RAB40B: variants seen among roughly 807,000 people sequenced by gnomAD.
RAB40B encodes ras-related protein Rab-40B.
RAB40B carries 21 observed loss-of-function variants against 24.0 expected under a neutral mutation model. That is an observed-to-expected ratio of 0.88 (90% confidence interval 0.62 to 1.26). RAB40B has a LOEUF of 1.26. RAB40B is among the 50% of genes most tolerant of loss of function. The probability of loss-of-function intolerance (pLI) is 0.00; values close to 1 mark genes in which losing one functional copy is unlikely to be tolerated. For missense variants in RAB40B, 348 were observed against 390.5 expected (o/e 0.89, Z 0.92); for synonymous variants, 167 against 169.8 (o/e 0.98, Z 0.13).
intron 1 of RAB40B, among the ~76,000 whole-genome samples, chr17:82,671,003 C>A (rs540860515): frequency 5.7e-4 from 87 of 152,138 alleles, no homozygotes; most frequent in African/African-American, 2.1e-3. Flanking sequence ...AAAATAACTT[C>A]TTTTGCTATG....
chr17:82,682,296 A>C (rs1447111383), intron 1 of RAB40B, among the ~76,000 whole-genome samples: 1 of 152,208 alleles, frequency 6.6e-6, no homozygotes, highest in African/African-American at 2.4e-5. Flanking sequence ...AGAAATTGAA[A>C]TTAAATAGCA....
chr17:82,659,191 G>C lies in RAB40B; in HGVS notation c.342+389C>G, dbSNP rs183130006. 470 of 292,108 alleles carry C rather than the reference G, an allele frequency of 1.6e-3. 1 individual carries two copies. Among genetic ancestry groups the C allele is most frequent in the African/African-American group, 9.5e-3 (440 of 46,246 alleles). 18.1% of individuals were successfully genotyped at this position (292,108 alleles called of 1,614,324 possible). ...CAGCCCCGGGACACTCATACAGTGG[G>C]CTTAGTGTCGACCACGCCATGTCAC... is the stretch of plus-strand genomic sequence containing the variant. On this transcript the variant is annotated intron_variant, in intron 4 of 5. Coordinates refer to ENST00000571995, the MANE Select transcript of RAB40B (RefSeq NM_006822.3).
rs537728884 is a variant in RAB40B at position 82,674,866 on chromosome 17, A to C, written c.143-10310T>G. 5.9e-5 allele frequency among the ~76,000 whole-genome samples: 9 copies of C among 152,128 alleles called. 1 individual carries two copies. The highest frequency in any genetic ancestry group is 5.9e-4 in the Admixed American group (9 of 15,252). On this transcript the variant is annotated intron_variant, in intron 1 of 5. Transcript: ENST00000571995. ...AAGCAGGGCCAGGGTGTGTGCAGGGAGTAGGCAGAGGAGAAAGAACAACAC... is the reference window on the plus strand; with the variant it reads ...AAGCAGGGCCAGGGTGTGTGCAGGGCGTAGGCAGAGGAGAAAGAACAACAC...
intron 1 of RAB40B, chr17:82,668,399 T>A (rs1194843508): frequency 6.5e-6 from 1 of 154,232 alleles, no homozygotes; most frequent in Non-Finnish European, 1.5e-5. Context: ...ACCAGGGACC[T>A]GCCCCCTTCC....
intron 1 of RAB40B, among the ~76,000 whole-genome samples, chr17:82,681,958 G>T (rs2046452474): frequency 6.6e-6 from 1 of 151,966 alleles, no homozygotes; most frequent in Non-Finnish European, 1.5e-5. Context: ...CCATGAAAAT[G>T]AGAAAATATT....
chr17:82,672,306 GTACTGACACACCCCACCCCTGTAA>G (rs2143503956), intron 1 of RAB40B, among the ~76,000 whole-genome samples: 1 of 30,166 alleles, frequency 3.3e-5, no homozygotes, highest in Non-Finnish European at 7.2e-5. Flanking sequence ...CACGCTCCCT[GTACTGACACACCCCACCCCTGTAA>G]CTCTAACACA....
intron 5 of RAB40B, 65 bp from the exon 6 acceptor site, chr17:82,658,199 G>T: frequency 6.4e-7 from 1 of 1,566,792 alleles, no homozygotes; most frequent in Non-Finnish European, 8.6e-7. Flanking sequence ...ATGAGGGGTG[G>T]TGCCCACACC....
At chr17:82,686,204 G>A (rs147723915) in intron 1 of RAB40B, among the ~76,000 whole-genome samples, 3,803 of 148,718 alleles carry the variant, frequency 0.026, 175 homozygotes, top group African/African-American at 0.09. Context: ...CTCCGCTTCC[G>A]GGGTTCAAGT....
In RAB40B at chr17:82,657,760, A is replaced by AT; in HGVS notation, c.*102dup. On this transcript the variant is annotated 3_prime_UTR_variant, in exon 6 of 6. Transcript: ENST00000571995. ...GGCGTCGCACACATTCGCAAGCAGC[A>AT]TTCGCCGAGAGGAACCGGGATCTGA... is the stretch of plus-strand genomic sequence containing the variant. The AT allele has an allele frequency of 7.3e-7, 1 of 1,377,078 alleles. No homozygotes were observed. Among genetic ancestry groups the AT allele is most frequent in the Non-Finnish European group, 1.0e-6 (1 of 965,252 alleles). 85.3% of individuals were successfully genotyped at this position (1,377,078 alleles called of 1,614,324 possible). A position where few individuals can be genotyped will look rare whatever the true frequency, so the allele number is the denominator to read the frequency against.
rs1013991816 is a variant in RAB40B, at chr17:82,663,345, G to A, written c.203+1151C>T. Among the ~76,000 whole-genome samples, 1 of 152,110 alleles carries A rather than the reference G, an allele frequency of 6.6e-6. No individual in the cohort carries two copies. Among genetic ancestry groups the A allele is most frequent in the Middle Eastern group, 3.2e-3 (1 of 316 alleles). Reference sequence around the variant, plus strand: ...GCAGGAAGGGCCAGGAGGCTCAGGCGAGGGTCACCCAGGAGTGGCAGCAGT... The same window carrying A: ...GCAGGAAGGGCCAGGAGGCTCAGGCAAGGGTCACCCAGGAGTGGCAGCAGT... On this transcript the variant is annotated intron_variant, in intron 2 of 5. Coordinates refer to ENST00000571995, the MANE Select transcript of RAB40B (RefSeq NM_006822.3). The surrounding 1 kb of genome is among the most constrained non-coding windows in gnomAD (Gnocchi z 6.2).
intron 2 of RAB40B, chr17:82,662,355 T>C: frequency 1.0e-6 from 1 of 985,474 alleles, no homozygotes; most frequent in African/African-American, 1.7e-5. Context: ...GCCAGGTCAA[T>C]CTGCCAGCTT....
chr17:82,658,029 G>A lies in RAB40B; in HGVS notation c.671C>T (p.Ser224Phe), dbSNP rs1459730672. The A allele has an allele frequency of 1.2e-6, 2 of 1,614,124 alleles. No individual in the cohort carries two copies. The highest frequency in any genetic ancestry group is 1.7e-6 in the Non-Finnish European group (2 of 1,180,064). The part of the protein sequence containing the change: ...LPIALRSHLK[S>F]FSMANGLNAR... ...ATTCAGGCCGTTGGCCATCGAGAAG[G>A]ACTTGAGGTGGCTTCTTAAGGCAAT... The change falls in exon 6 of 6, where the codon TCC becomes TTC. Residue 224 changes from serine to phenylalanine, a missense_variant. Coordinates refer to ENST00000571995, the MANE Select transcript of RAB40B (RefSeq NM_006822.3).
Position 82,657,616 on chromosome 17 carries a change from C to G in RAB40B, c.*247G>C. ...AGTAACATTCAGAATTTCATGTTAC[C>G]AAGAGTCGAGCAGAGTACTAATTTT... On this transcript the variant is annotated 3_prime_UTR_variant, in exon 6 of 6. Transcript: ENST00000571995. The G allele has an allele frequency of 1.6e-6, 1 of 624,454 alleles. No homozygotes were observed. Among genetic ancestry groups the G allele is most frequent in the Non-Finnish European group, 3.0e-6 (1 of 338,674 alleles). The allele number at this position is 624,454 out of a possible 1,614,324, so 38.7% of individuals were successfully genotyped here.
intron 1 of RAB40B, among the ~76,000 whole-genome samples, chr17:82,677,785 C>T (rs2046409748): frequency 6.6e-6 from 1 of 152,316 alleles, no homozygotes. Flanking sequence ...GGCCCTCTGA[C>T]CCCAGATGAG....
In RAB40B at chr17:82,698,636, G is replaced by T; in HGVS notation, c.-40C>A. On this transcript the variant is annotated 5_prime_UTR_variant, in exon 1 of 6. Coordinates refer to ENST00000571995, the MANE Select transcript of RAB40B (RefSeq NM_006822.3). ...GCCCCCACCCATGCCCGGCCTGCGG[G>T]GCTGAGCGCAGAGGCGGCGGCCCGG... 7.5e-7 allele frequency: 1 copy of T among 1,328,418 alleles called. No individual in the cohort carries two copies. Among genetic ancestry groups the T allele is most frequent in the Non-Finnish European group, 9.8e-7 (1 of 1,024,530 alleles). 82.3% of individuals were successfully genotyped at this position (1,328,418 alleles called of 1,614,324 possible). A position where few individuals can be genotyped will look rare whatever the true frequency, so the allele number is the denominator to read the frequency against.
chr17:82,664,722 G>A (rs2046232369), intron 1 of RAB40B, 166 bp from the exon 2 acceptor site: 1 of 645,722 alleles, frequency 1.5e-6, no homozygotes, highest in South Asian at 1.9e-5. Flanking sequence ...CAGGGGCCCT[G>A]CCTGCGCCCT....
At chr17:82,674,553 G>C (rs1039663251) in intron 1 of RAB40B, among the ~76,000 whole-genome samples, 7 of 147,232 alleles carry the variant, frequency 4.8e-5, no homozygotes, top group Non-Finnish European at 1.1e-4. Flanking sequence ...GCAGGAGAAT[G>C]GCGTGAACCC....
intron 2 of RAB40B, chr17:82,661,319 C>T: frequency 8.4e-7 from 1 of 1,197,210 alleles, no homozygotes. Flanking sequence ...TATTTAAATA[C>T]ATTCAATGTA....
At chr17:82,678,515 T>G (rs1371692039) in intron 1 of RAB40B, among the ~76,000 whole-genome samples, 1 of 152,228 alleles carries the variant, frequency 6.6e-6, no homozygotes, top group African/African-American at 2.4e-5. Context: ...CTGTTTTAAG[T>G]CATCTACCAC....
Sources: allele counts gnomAD v4.1 joint callset (sites outside exome capture counted in the v4.1 genomes callset), GRCh38; gene constraint gnomAD v4.1.1; non-coding constraint Gnocchi (gnomAD v3.1); transcripts MANE v1.5; gene names NCBI Gene and HGNC (gene_info 2026-07-23, HGNC 2026-07-21).